The following CFAP161 variants were observed in gnomAD, a reference collection of about 807,000 sequenced individuals.
The protein encoded by CFAP161 is cilia and flagella associated protein 161.
A neutral mutation model predicts 29.0 loss-of-function variants in CFAP161; 25 were observed. The observed-to-expected ratio is 0.86, with a 90% CI of 0.63 to 1.20. The LOEUF (loss-of-function observed/expected upper bound fraction) is 1.20, where lower values mean the gene tolerates loss of function less well. Among genes scored for constraint, CFAP161 ranks in the 50% most tolerant of loss-of-function variants. CFAP161 has a pLI of 0.00. For synonymous variants in CFAP161, 116 were observed against 137.4 expected (o/e 0.84, Z 1.09); for missense variants, 367 against 371.9 (o/e 0.99, Z 0.11).
At chr15:81,123,928 A>T (rs928252684) in intron 1 of CFAP161, among the ~76,000 whole-genome samples, 1 of 152,152 alleles carries the variant, frequency 6.6e-6, no homozygotes, top group African/African-American at 2.4e-5. Context: ...TAAGCTTAAG[A>T]GGGTTTTGGG....
At chr15:81,119,217 A>C (rs972520981) in intron 1 of CFAP161, among the ~76,000 whole-genome samples, 3 of 152,218 alleles carry the variant, frequency 2.0e-5, no homozygotes, top group African/African-American at 7.2e-5. Flanking sequence ...TATAGATGAC[A>C]AAAACTTAGA....
upstream of CFAP161, among the ~76,000 whole-genome samples, chr15:81,131,408 G>A (rs938659543): frequency 7.2e-5 from 11 of 152,036 alleles, no homozygotes; most frequent in African/African-American, 2.4e-4. Flanking sequence ...AAAAAACTAA[G>A]GGATACCATG....
intron 1 of CFAP161, among the ~76,000 whole-genome samples, chr15:81,117,002 C>T (rs182499519): frequency 0.015 from 2,209 of 152,106 alleles, 24 homozygotes; most frequent in Admixed American, 0.024. Flanking sequence ...ATTAAAAAAC[C>T]TTTTGGGGCT....
upstream of CFAP161, among the ~76,000 whole-genome samples, chr15:81,133,250 G>A (rs1201094429): frequency 1.5e-5 from 2 of 131,118 alleles, no homozygotes; most frequent in Non-Finnish European, 3.2e-5. Context: ...TTGGAGATGG[G>A]GTCTCACTAT....
chr15:81,146,078 G>T (rs1223946200), intron 5 of CFAP161, among the ~76,000 whole-genome samples: 2 of 152,190 alleles, frequency 1.3e-5, no homozygotes, highest in Non-Finnish European at 2.9e-5. Context: ...TTTGTGTTTT[G>T]TGTGTGTTCA....
intron 1 of CFAP161, among the ~76,000 whole-genome samples, chr15:81,113,924 A>G (rs956165840): frequency 6.6e-6 from 1 of 152,218 alleles, no homozygotes; most frequent in African/African-American, 2.4e-5. Context: ...TGATTCGTAT[A>G]AATTCAGTGT....
chr15:81,136,162 G>T (rs1595917277), intron 2 of CFAP161, among the ~76,000 whole-genome samples: 1 of 152,192 alleles, frequency 6.6e-6, no homozygotes, highest in East Asian at 1.9e-4. Context: ...TAAACAGTCT[G>T]CCCTAAATCA....
chr15:81,126,334 T>C (rs1405383228), intron 1 of CFAP161, among the ~76,000 whole-genome samples: 1 of 152,190 alleles, frequency 6.6e-6, no homozygotes, highest in Non-Finnish European at 1.5e-5. Flanking sequence ...TTTGAAAAAC[T>C]TCCTTCATCT....
intron 1 of CFAP161, among the ~76,000 whole-genome samples, chr15:81,118,544 C>T (rs1227805108): frequency 1.3e-5 from 2 of 152,254 alleles, no homozygotes; most frequent in African/African-American, 4.8e-5. Flanking sequence ...GGGCGTCCGC[C>T]TGCAGCGCCA....
At chr15:81,137,240 A>G (rs1301951279) in intron 3 of CFAP161, among the ~76,000 whole-genome samples, 1 of 152,226 alleles carries the variant, frequency 6.6e-6, no homozygotes, top group African/African-American at 2.4e-5. Context: ...AGAAATAGAT[A>G]CATGATCACA....
At chr15:81,123,204 T>A (rs1428782554) in intron 1 of CFAP161, among the ~76,000 whole-genome samples, 1 of 152,198 alleles carries the variant, frequency 6.6e-6, no homozygotes, top group Non-Finnish European at 1.5e-5. Flanking sequence ...CCATCTTGAG[T>A]TAATTTTTGT....
chr15:81,143,709 GT>G lies in CFAP161; in HGVS notation c.526del (p.Ser176LeufsTer8). 6.2e-7 allele frequency: 1 copy of G among 1,614,094 alleles called. No individual in the cohort carries two copies. The highest frequency in any genetic ancestry group is 8.5e-7 in the Non-Finnish European group (1 of 1,180,004). Reference sequence around the variant, plus strand: ...GGACCCTCCTGAAATCGTCTAAGAGGTCTTGGCTCCAGGAAGTGTACCTAAC... The same window carrying G: ...GGACCCTCCTGAAATCGTCTAAGAGGCTTGGCTCCAGGAAGTGTACCTAAC... ...HRTLLKSSKRSWLQEVYLTDE... is the reference protein window; with the variant it reads ...HRTLLKSSKRXWLQEVYLTDE... On this transcript the variant is annotated frameshift_variant, in exon 5 of 7. Transcript: ENST00000286732. LOFTEE classifies it high-confidence loss of function.
rs780386737 is a variant in CFAP161 at position 81,134,333 on chromosome 15, G to A, written c.4G>A (p.Ala2Thr). M[A>T]QNVYGPGVRI... is the part of the protein sequence containing the mutation. ...ACTTGCTGAACAGCAGGGAGCGATG[G>A]CGCAGAACGTGTATGGTCCGGGAGT... Residue 2 changes from alanine to threonine, a missense_variant, in exon 1 of 7, where the codon GCG (alanine) becomes ACG (threonine). Transcript: ENST00000286732. 32 of 1,587,256 alleles carry A rather than the reference G, an allele frequency of 2.0e-5. No homozygotes were observed. The highest frequency in any genetic ancestry group is 2.7e-5 in the Non-Finnish European group (32 of 1,167,690).
At chr15:81,113,300 G>C (rs1209133456) in intron 1 of CFAP161, among the ~76,000 whole-genome samples, 1 of 152,154 alleles carries the variant, frequency 6.6e-6, no homozygotes, top group Non-Finnish European at 1.5e-5. Context: ...GTCTAGCCAA[G>C]GTCACTGGAG....
At chr15:81,135,542 T>G (rs1417881493) in intron 2 of CFAP161, among the ~76,000 whole-genome samples, 183 bp downstream of exon 2, 1 of 111,390 alleles carries the variant, frequency 9.0e-6, no homozygotes, top group African/African-American at 3.5e-5. Context: ...CAGGCCCCAG[T>G]GTGCGATGTT....
chr15:81,102,269 C>T (rs936746291), intron 1 of CFAP161, among the ~76,000 whole-genome samples: 1 of 152,164 alleles, frequency 6.6e-6, no homozygotes, highest in Non-Finnish European at 1.5e-5. Context: ...CGTATCAGGA[C>T]CAGGCCACGT....
intron 4 of CFAP161, among the ~76,000 whole-genome samples, chr15:81,142,889 G>T (rs1221961537): frequency 2.0e-5 from 3 of 152,166 alleles, no homozygotes; most frequent in Non-Finnish European, 4.4e-5. Flanking sequence ...TTCCAGCATG[G>T]ACATCAATTC....
chr15:81,106,947 T>G (rs1894380413), intron 1 of CFAP161, among the ~76,000 whole-genome samples: 1 of 152,168 alleles, frequency 6.6e-6, no homozygotes, highest in African/African-American at 2.4e-5. Flanking sequence ...GCACCTATAG[T>G]ACTAGCTTCT....
intron 1 of CFAP161, chr15:81,117,861 C>T (rs2280440): frequency 0.58 from 206,290 of 355,890 alleles, 62,393 homozygotes; most frequent in Middle Eastern, 0.68. Flanking sequence ...TCTCCTAGTC[C>T]TTCTCATCTT....
Sources: gnomAD v4.1 joint callset for allele counts (sites outside exome capture counted in the v4.1 genomes callset) on GRCh38, gnomAD v4.1.1 for gene constraint, MANE v1.5 for transcripts, NCBI Gene and HGNC (gene_info 2026-07-23, HGNC 2026-07-21) for gene names.